The following ELOVL5 variants were observed in gnomAD, a reference collection of about 807,000 sequenced individuals.
ELOVL5 encodes ELOVL fatty acid elongase 5.
Under a neutral mutation model 38.6 loss-of-function variants are expected in ELOVL5, and 8 were observed. That is an observed-to-expected ratio of 0.21 (90% CI 0.12 to 0.37). The LOEUF (loss-of-function observed/expected upper bound fraction) is 0.37, where lower values mean the gene tolerates loss of function less well. Ranked by LOEUF, ELOVL5 falls within the 10% of genes least tolerant of loss-of-function variation. ELOVL5 has a pLI of 1.00. For synonymous variants in ELOVL5, 127 were observed against 133.7 expected, an observed-to-expected ratio of 0.95 and a Z score of 0.34; for missense variants, 280 against 367.8, an observed-to-expected ratio of 0.76 and a Z score of 1.95.
At chr6:53,286,832 T>C (rs1376578185) in intron 3 of ELOVL5, among the ~76,000 whole-genome samples, 1 of 152,232 alleles carries the variant, frequency 6.6e-6, no homozygotes, top group African/African-American at 2.4e-5. Flanking sequence ...AAAACTATCT[T>C]AGAACGTACT....
At chr6:53,290,417 G>A (rs1415727947) in intron 3 of ELOVL5, 1 of 152,168 alleles carries the variant, frequency 6.6e-6, no homozygotes, top group Non-Finnish European at 1.5e-5. Context: ...GCTTGCTGTG[G>A]TTTTGTCCCT....
At chr6:53,332,240 C>T (rs1319729566) in intron 1 of ELOVL5, among the ~76,000 whole-genome samples, 8 of 152,290 alleles carry the variant, frequency 5.3e-5, no homozygotes, top group African/African-American at 1.9e-4. Flanking sequence ...TCCCTACTAA[C>T]TCGTCAAGTT....
At chr6:53,329,408 A>C (rs1235541553) in intron 1 of ELOVL5, among the ~76,000 whole-genome samples, 1 of 152,254 alleles carries the variant, frequency 6.6e-6, no homozygotes, top group Non-Finnish European at 1.5e-5. Flanking sequence ...GGTAAATACT[A>C]ATAGATATAA....
At chr6:53,344,644 T>C (rs1436348313) in intron 1 of ELOVL5, among the ~76,000 whole-genome samples, 1 of 152,200 alleles carries the variant, frequency 6.6e-6, no homozygotes, top group Non-Finnish European at 1.5e-5. Flanking sequence ...CCATTAATAA[T>C]AGAAATAAGT....
intron 1 of ELOVL5, among the ~76,000 whole-genome samples, chr6:53,344,047 G>C (rs1300653090): frequency 6.6e-6 from 1 of 152,216 alleles, no homozygotes; most frequent in Non-Finnish European, 1.5e-5. Flanking sequence ...CTGATTATAA[G>C]CTCCATCTCT....
chr6:53,316,664 A>G (rs1207382761), intron 1 of ELOVL5, among the ~76,000 whole-genome samples: 1 of 150,286 alleles, frequency 6.7e-6, no homozygotes, highest in African/African-American at 2.5e-5. Flanking sequence ...GAGGGAATGC[A>G]GGGGTCACAT....
intron 1 of ELOVL5, among the ~76,000 whole-genome samples, chr6:53,329,914 T>C (rs1768713537): frequency 6.6e-6 from 1 of 152,216 alleles, no homozygotes; most frequent in South Asian, 2.1e-4. Flanking sequence ...ACGTAGAATT[T>C]TCCTCTTCTG....
At chr6:53,314,303 C>G (rs191636492) in intron 1 of ELOVL5, among the ~76,000 whole-genome samples, 1 of 152,094 alleles carries the variant, frequency 6.6e-6, no homozygotes, top group African/African-American at 2.4e-5. Flanking sequence ...TGTAACAAAA[C>G]GAAGGAAAGC....
chr6:53,315,208 G>C (rs1767981315), intron 1 of ELOVL5, among the ~76,000 whole-genome samples: 1 of 152,162 alleles, frequency 6.6e-6, no homozygotes. Flanking sequence ...GGGACTTGGG[G>C]ACATGGGGAT....
chr6:53,340,893 C>A (rs9395859), intron 1 of ELOVL5, among the ~76,000 whole-genome samples: 1 of 151,970 alleles, frequency 6.6e-6, no homozygotes, highest in African/African-American at 2.4e-5. Flanking sequence ...GATAGAGGCT[C>A]CCTAAAGAAT....
chr6:53,345,523 A>G (rs909762369), intron 1 of ELOVL5, among the ~76,000 whole-genome samples: 4 of 152,262 alleles, frequency 2.6e-5, no homozygotes, highest in African/African-American at 9.7e-5. Context: ...CTAAATCAGG[A>G]AACCCTCTGG....
At chr6:53,303,452 A>G (rs1018139529) in intron 1 of ELOVL5, among the ~76,000 whole-genome samples, 4 of 152,312 alleles carry the variant, frequency 2.6e-5, no homozygotes, top group Middle Eastern at 3.4e-3. Flanking sequence ...CAGAATTCCT[A>G]TACTTTCTAA....
At chr6:53,279,111 T>C (rs1294875978) in intron 3 of ELOVL5, among the ~76,000 whole-genome samples, 2 of 152,232 alleles carry the variant, frequency 1.3e-5, no homozygotes, top group Non-Finnish European at 2.9e-5. Context: ...TGACCTTAGC[T>C]AAGGTATTCC....
intron 1 of ELOVL5, among the ~76,000 whole-genome samples, chr6:53,335,678 C>T (rs920312225): frequency 5.3e-5 from 8 of 152,308 alleles, no homozygotes; most frequent in Admixed American, 4.6e-4. Flanking sequence ...ATGGCACAGA[C>T]AGCCGGTTCT....
At chr6:53,319,718 C>G (rs1385460517) in intron 1 of ELOVL5, among the ~76,000 whole-genome samples, 1 of 152,192 alleles carries the variant, frequency 6.6e-6, no homozygotes, top group Non-Finnish European at 1.5e-5. Flanking sequence ...TTTGGTTCAT[C>G]TGGAGTTCTC....
At chr6:53,311,448 A>G (rs2127582868) in intron 1 of ELOVL5, among the ~76,000 whole-genome samples, 1 of 152,312 alleles carries the variant, frequency 6.6e-6, no homozygotes, top group African/African-American at 2.4e-5. Flanking sequence ...TGAAACACAG[A>G]ATTACCATAT....
intron 6 of ELOVL5, among the ~76,000 whole-genome samples, chr6:53,271,659 A>G (rs1035498577): frequency 3.3e-5 from 5 of 152,100 alleles, no homozygotes; most frequent in African/African-American, 1.2e-4. Context: ...GACAGGGTCT[A>G]TGTTGCCCAG....
intron 1 of ELOVL5, among the ~76,000 whole-genome samples, chr6:53,342,885 T>C (rs1334895055): frequency 6.6e-6 from 1 of 152,176 alleles, no homozygotes; most frequent in Non-Finnish European, 1.5e-5. Context: ...GGGAATTTAG[T>C]CTTTCTAAAA....
At chr6:53,272,353 T>C (rs902663451) in intron 6 of ELOVL5, among the ~76,000 whole-genome samples, 1 of 152,092 alleles carries the variant, frequency 6.6e-6, no homozygotes, top group Admixed American at 6.6e-5. Context: ...CCCAGGCTGG[T>C]CTTAAACTCC....
Sources: gnomAD v4.1 joint callset for allele counts (sites outside exome capture counted in the v4.1 genomes callset) on GRCh38, gnomAD v4.1.1 for gene constraint, MANE v1.5 for transcripts, NCBI Gene and HGNC (gene_info 2026-07-23, HGNC 2026-07-21) for gene names.